PHACTR1: variants seen among roughly 807,000 people sequenced by gnomAD.
PHACTR1 encodes RPEL repeat containing 1.
A neutral mutation model predicts 69.2 loss-of-function variants in PHACTR1; 16 were observed. The ratio of observed to expected loss-of-function variants is 0.23; its 90% CI spans 0.16 to 0.35. PHACTR1 has a LOEUF of 0.35. PHACTR1 is among the 10% of genes least tolerant of loss of function. The pLI, the probability that PHACTR1 is intolerant of heterozygous loss-of-function variation, is 1.00. For synonymous variants in PHACTR1, 312 were observed against 284.5 expected (o/e 1.10, Z -0.97); for missense variants, 510 against 734.7 (o/e 0.69, Z 3.54).
At chr6:13,204,754 G>C (rs12526983) in intron 7 of PHACTR1, among the ~76,000 whole-genome samples, 32,448 of 152,122 alleles carry the variant, frequency 0.21, 4,217 homozygotes, top group Non-Finnish European at 0.29. Flanking sequence ...CCCAAGCCAG[G>C]ATCTGCAAAA....
rs142054806 is a variant in PHACTR1, at chr6:12,736,303, T to G, written c.104-13341T>G. On this transcript the variant is annotated intron_variant, in intron 3 of 14. Transcript: ENST00000332995. Reference sequence around the variant, plus strand: ...CATGAATGATTTTCAATATTGCCACTATAATTAGTGATGTTGTACTGGGTT... The same window carrying G: ...CATGAATGATTTTCAATATTGCCACGATAATTAGTGATGTTGTACTGGGTT... Among the ~76,000 whole-genome samples, 3 of 152,334 alleles carry G rather than the reference T, an allele frequency of 2.0e-5. No homozygotes were observed. The East Asian group carries it at 5.8e-4, about 29-fold the overall frequency.
intron 4 of PHACTR1, among the ~76,000 whole-genome samples, chr6:12,848,022 G>A (rs930755720): frequency 2.0e-4 from 31 of 152,120 alleles, no homozygotes; most frequent in African/African-American, 6.7e-4. Context: ...TCCTGAGACT[G>A]CAGCTGATCA....
intron 4 of PHACTR1, among the ~76,000 whole-genome samples, chr6:13,017,608 C>T (rs1800379389): frequency 6.6e-6 from 1 of 152,046 alleles, no homozygotes; most frequent in South Asian, 2.1e-4. Flanking sequence ...ATTTAATTTA[C>T]AAATAGTTAA....
At chr6:13,031,194 A>G (rs1005000825) in intron 4 of PHACTR1, among the ~76,000 whole-genome samples, 2 of 152,214 alleles carry the variant, frequency 1.3e-5, no homozygotes, top group South Asian at 2.1e-4. Flanking sequence ...ATTTCTCAGG[A>G]TAGTCTTAAT....
intron 4 of PHACTR1, among the ~76,000 whole-genome samples, chr6:12,902,204 C>T (rs543193402): frequency 1.3e-5 from 2 of 152,280 alleles, no homozygotes; most frequent in South Asian, 2.1e-4. Flanking sequence ...AGGTGGATCA[C>T]CTGATGTCAG....
intron 4 of PHACTR1, among the ~76,000 whole-genome samples, chr6:13,027,231 A>T (rs1474942706): frequency 6.6e-6 from 1 of 152,164 alleles, no homozygotes; most frequent in African/African-American, 2.4e-5. Context: ...ATTCAGAGTC[A>T]CTATTTGTTG....
chr6:12,856,499 G>A (rs756728436), intron 4 of PHACTR1, among the ~76,000 whole-genome samples: 21 of 152,024 alleles, frequency 1.4e-4, no homozygotes, highest in South Asian at 6.2e-4. Flanking sequence ...CTAGTGATCC[G>A]TCCACCTCAG....
intron 4 of PHACTR1, among the ~76,000 whole-genome samples, chr6:12,867,762 G>A (rs1036493519): frequency 6.6e-6 from 1 of 152,134 alleles, no homozygotes; most frequent in African/African-American, 2.4e-5. Context: ...AATATCAAGA[G>A]GTATTTGTTG....
chr6:12,955,192 C>CTTTTTTT (rs1161324144), intron 4 of PHACTR1, among the ~76,000 whole-genome samples: 14 of 103,290 alleles, frequency 1.4e-4, no homozygotes, highest in African/African-American at 5.1e-4. Flanking sequence ...TGTATTTCCT[C>CTTTTTTT]TTTTTTTTTT....
chr6:13,238,482 T>C (rs1015371311), intron 10 of PHACTR1, among the ~76,000 whole-genome samples: 11 of 152,198 alleles, frequency 7.2e-5, no homozygotes, highest in African/African-American at 2.7e-4. Flanking sequence ...TATTTTATAC[T>C]CCTAAGTAGT....
intron 4 of PHACTR1, among the ~76,000 whole-genome samples, chr6:12,820,881 C>T (rs1030842575): frequency 5.9e-5 from 9 of 152,110 alleles, no homozygotes; most frequent in East Asian, 1.9e-4. Flanking sequence ...TCACCAAAAC[C>T]GAGCCCTCCA....
chr6:12,792,559 A>G (rs1197620859), intron 4 of PHACTR1, among the ~76,000 whole-genome samples: 1 of 151,596 alleles, frequency 6.6e-6, no homozygotes, highest in Non-Finnish European at 1.5e-5. Flanking sequence ...TAAAAACTCA[A>G]ATGCAGTGCT....
intron 5 of PHACTR1, among the ~76,000 whole-genome samples, chr6:13,112,912 G>A (rs544385212): frequency 7.9e-5 from 12 of 152,024 alleles, no homozygotes; most frequent in Non-Finnish European, 1.5e-4. Context: ...CATGTGTTGC[G>A]ATTGTTTTTG....
At chr6:12,726,424 C>A (rs1220607310) in intron 3 of PHACTR1, among the ~76,000 whole-genome samples, 2 of 152,202 alleles carry the variant, frequency 1.3e-5, no homozygotes, top group Non-Finnish European at 1.5e-5. Flanking sequence ...CCCCTTTTCC[C>A]TTCCTTCTTA....
At chr6:12,873,328 TTAAGA>T (rs939969685) in intron 4 of PHACTR1, among the ~76,000 whole-genome samples, 17 of 152,124 alleles carry the variant, frequency 1.1e-4, no homozygotes, top group African/African-American at 4.1e-4. Flanking sequence ...AATATCTTTC[TTAAGA>T]TAAGACCAGT....
At chr6:12,851,774 G>A (rs1779850277) in intron 4 of PHACTR1, among the ~76,000 whole-genome samples, 1 of 152,010 alleles carries the variant, frequency 6.6e-6, no homozygotes, top group Non-Finnish European at 1.5e-5. Flanking sequence ...CTTTTGTCAT[G>A]TATTCCATGA....
At chr6:13,153,496 T>C (rs1234832852) in intron 5 of PHACTR1, among the ~76,000 whole-genome samples, 1 of 152,214 alleles carries the variant, frequency 6.6e-6, no homozygotes, top group Non-Finnish European at 1.5e-5. Flanking sequence ...AAAGCACAAT[T>C]TGCTTTTTTG....
At position 13,205,923 on chromosome 6, in the gene PHACTR1, T is replaced by G; in HGVS notation, c.773T>G (p.Leu258Arg). Residue 258 changes from leucine (L) to arginine (R), a missense_variant, in exon 8 of 15, where the codon CTG becomes CGG. Around this residue, in one of 2 missense-constraint regions of PHACTR1, gnomAD observed 419 missense variants for 530.9 expected, o/e 0.79. Transcript: ENST00000332995. ...CCCGTGGGGGGGCCAGACCTCTCAC[T>G]GGTGTCCTACACAGCCCAGAAGAGT... is the stretch of plus-strand genomic sequence containing the variant. Reference protein sequence around the residue: ...CMPVGGPDLSLVSYTAQKSGQ... With the variant: ...CMPVGGPDLSRVSYTAQKSGQ... The G allele has an allele frequency of 6.2e-7, 1 of 1,613,934 alleles. No homozygotes were observed. The highest frequency in any genetic ancestry group is 1.3e-5 in the African/African-American group (1 of 75,038).
At chr6:12,794,684 T>C (rs1489882749) in intron 4 of PHACTR1, among the ~76,000 whole-genome samples, 1 of 152,210 alleles carries the variant, frequency 6.6e-6, no homozygotes, top group African/African-American at 2.4e-5. Flanking sequence ...AAATTCGATG[T>C]GCGTCTTCCA....
Sources: gnomAD v4.1 joint callset for allele counts (sites outside exome capture counted in the v4.1 genomes callset) on GRCh38, gnomAD v4.1.1 for gene constraint, gnomAD v4.1.1 regional missense constraint, MANE v1.5 for transcripts, NCBI Gene and HGNC (gene_info 2026-07-23, HGNC 2026-07-21) for gene names.